The following PRKCI variants were observed in gnomAD, a reference collection of about 807,000 sequenced individuals.
PRKCI encodes the protein protein kinase C iota.
A neutral mutation model predicts 84.0 loss-of-function variants in PRKCI; 43 were observed. The observed-to-expected ratio is 0.51, with a 90% CI of 0.40 to 0.66. PRKCI has a LOEUF of 0.66. PRKCI is among the 30% of genes least tolerant of loss of function. PRKCI has a pLI of 0.00. For synonymous variants in PRKCI, 216 were observed against 234.4 expected, an observed-to-expected ratio of 0.92 and a Z score of 0.72; for missense variants, 459 against 745.6, an observed-to-expected ratio of 0.62 and a Z score of 4.48.
In PRKCI at chr3:170,273,356, G is replaced by T. The variant is rs376918788; in HGVS notation, c.646+16G>T. 1 of 1,610,444 alleles carries T rather than the reference G, an allele frequency of 6.2e-7. No homozygotes were observed. The highest frequency in any genetic ancestry group is 8.5e-7 in the Non-Finnish European group (1 of 1,177,014). On this transcript the variant is annotated intron_variant, in intron 7 of 17. Coordinates refer to ENST00000295797, the MANE Select transcript of PRKCI (RefSeq NM_002740.6). ...GCACAGACAGGTAAGAGTGGTGCTG[G>T]CACAACCCATTGTTCATTCACAGAG...
intron 2 of PRKCI, among the ~76,000 whole-genome samples, chr3:170,253,805 G>A (rs898289035): frequency 6.7e-6 from 1 of 149,278 alleles, no homozygotes; most frequent in East Asian, 2.0e-4. Context: ...AAAAAAAAAT[G>A]TCTATTCAGG....
rs116726811 is a variant in PRKCI at position 170,241,587 on chromosome 3, A to G, written c.223+6236A>G. On this transcript the variant is annotated intron_variant, in intron 2 of 17. Coordinates refer to ENST00000295797, the MANE Select transcript of PRKCI (RefSeq NM_002740.6). ...TGTTTATCCATTGATGGGCATTTCAATTGTTTCCATATCTTAGCTATTGTG... is the reference window on the plus strand; with the variant it reads ...TGTTTATCCATTGATGGGCATTTCAGTTGTTTCCATATCTTAGCTATTGTG... Among the ~76,000 whole-genome samples, 1,214 of 152,148 alleles carry G rather than the reference A, an allele frequency of 8.0e-3. 15 individuals are homozygous for G. Among genetic ancestry groups the G allele is most frequent in the South Asian group, 0.032 (156 of 4,820 alleles).
intron 11 of PRKCI, among the ~76,000 whole-genome samples, chr3:170,283,563 A>G (rs1173386430): frequency 3.3e-5 from 5 of 152,176 alleles, no homozygotes; most frequent in African/African-American, 4.8e-5. Context: ...TGCCTTATCA[A>G]ATGGTCACCC....
intron 9 of PRKCI, 73 bp from the exon 10 acceptor site, chr3:170,281,093 G>T: frequency 7.9e-7 from 1 of 1,273,514 alleles, no homozygotes. Context: ...TGTGACCATT[G>T]AATTGCTCAG....
chr3:170,263,858 A>C (rs1262886594), intron 4 of PRKCI, among the ~76,000 whole-genome samples: 2 of 152,074 alleles, frequency 1.3e-5, no homozygotes, highest in Admixed American at 1.3e-4. Flanking sequence ...TCCATTTTTC[A>C]GTCAATTTAG....
intron 17 of PRKCI, among the ~76,000 whole-genome samples, chr3:170,302,411 C>T (rs560432138): frequency 6.6e-6 from 1 of 152,312 alleles, no homozygotes; most frequent in Admixed American, 6.5e-5. Flanking sequence ...AATTACCTCC[C>T]TTCCTTGAAG....
intron 12 of PRKCI, among the ~76,000 whole-genome samples, chr3:170,290,030 G>A (rs895295646): frequency 7.3e-5 from 11 of 151,012 alleles, no homozygotes; most frequent in East Asian, 1.9e-4. Flanking sequence ...CCAAGATCAC[G>A]CCACTGAACT....
intron 8 of PRKCI, among the ~76,000 whole-genome samples, chr3:170,277,086 C>CA (rs36053479): frequency 0.43 from 55,332 of 128,178 alleles, 10,918 homozygotes; most frequent in South Asian, 0.51. Flanking sequence ...ACTAAAAATA[C>CA]AAAAAAAAAA....
chr3:170,295,846 AAAG>A, intron 14 of PRKCI, 62 bp from the exon 15 acceptor site: 3 of 996,548 alleles, frequency 3.0e-6, no homozygotes, highest in Middle Eastern at 3.4e-4. Flanking sequence ...CCCTTTCAAA[AAAG>A]AAGAAAAAAG....
intron 16 of PRKCI, 101 bp downstream of exon 16, chr3:170,297,494 A>T: frequency 2.1e-6 from 2 of 968,696 alleles, no homozygotes; most frequent in Non-Finnish European, 1.6e-6. Flanking sequence ...TTGCTCTGTC[A>T]CCGAGGCTGG....
At chr3:170,273,406 G>A in intron 7 of PRKCI, 66 bp downstream of exon 7, 1 of 1,462,772 alleles carries the variant, frequency 6.8e-7, no homozygotes, top group Non-Finnish European at 9.5e-7. Context: ...TTACTTAGGT[G>A]ACTCTCTTAC....
rs187434851 is a variant in PRKCI, at chr3:170,303,713, C to T, written c.*586C>T. On this transcript the variant is annotated 3_prime_UTR_variant, in exon 18 of 18. Transcript: ENST00000295797. ...GCTGCTTGCTTAGAATTGGGAAATT[C>T]GGCTGGGTGCAGTGACTCAATGCCT... is the stretch of plus-strand genomic sequence containing the variant. 1.2e-4 allele frequency: 26 copies of T among 214,300 alleles called. No individual in the cohort carries two copies. Among genetic ancestry groups the T allele is most frequent in the Non-Finnish European group, 2.3e-4 (24 of 106,112 alleles). 13.3% of individuals were successfully genotyped at this position (214,300 alleles called of 1,614,324 possible).
Position 170,303,629 on chromosome 3 carries a change from G to A in PRKCI, c.*502G>A, listed in dbSNP as rs1734878302. 4.4e-6 allele frequency: 1 copy of A among 224,932 alleles called. No homozygotes were observed. The highest frequency in any genetic ancestry group is 8.8e-6 in the Non-Finnish European group (1 of 113,002). 13.9% of individuals were successfully genotyped at this position (224,932 alleles called of 1,614,324 possible). A position where few individuals can be genotyped will look rare whatever the true frequency, so the allele number is the denominator to read the frequency against. ...ATTCAGGTGTAAATTTTATTGCCTT[G>A]GATAAATAAATTATTGATCTTTTTT... On this transcript the variant is annotated 3_prime_UTR_variant, in exon 18 of 18. Coordinates refer to ENST00000295797, the MANE Select transcript of PRKCI (RefSeq NM_002740.6).
chr3:170,256,321 A>G (rs1733582449), intron 2 of PRKCI, among the ~76,000 whole-genome samples: 1 of 152,064 alleles, frequency 6.6e-6, no homozygotes, highest in Non-Finnish European at 1.5e-5. Context: ...TTGCTGAGAG[A>G]CTTTTTATTA....
At chr3:170,253,829 T>G (rs9810446) in intron 2 of PRKCI, among the ~76,000 whole-genome samples, 38,408 of 150,206 alleles carry the variant, frequency 0.26, 5,528 homozygotes, top group African/African-American at 0.4. Context: ...AGGGATGGTG[T>G]CTCACGCTTG....
At chr3:170,253,915 G>T (rs1733517414) in intron 2 of PRKCI, among the ~76,000 whole-genome samples, 1 of 151,962 alleles carries the variant, frequency 6.6e-6, no homozygotes, top group Non-Finnish European at 1.5e-5. Context: ...AGGCCAACAT[G>T]GTGAAACCCT....
intron 1 of PRKCI, among the ~76,000 whole-genome samples, chr3:170,227,346 A>G (rs1011157957): frequency 1.3e-5 from 2 of 152,294 alleles, no homozygotes; most frequent in East Asian, 3.9e-4. Context: ...GAGAATGTAG[A>G]GGTAGGTAAG....
intron 11 of PRKCI, 142 bp downstream of exon 11, chr3:170,282,110 T>A: frequency 1.3e-6 from 1 of 743,876 alleles, no homozygotes. Flanking sequence ...GAGCTAAAAG[T>A]TAATTTACAT....
intron 2 of PRKCI, among the ~76,000 whole-genome samples, chr3:170,251,683 G>C (rs770446832): frequency 6.6e-6 from 1 of 152,090 alleles, no homozygotes; most frequent in Non-Finnish European, 1.5e-5. Flanking sequence ...ACCAAAACAG[G>C]TGGATCACTT....
Sources: allele counts gnomAD v4.1 joint callset (sites outside exome capture counted in the v4.1 genomes callset), GRCh38; gene constraint gnomAD v4.1.1; transcripts MANE v1.5; gene names NCBI Gene and HGNC (gene_info 2026-07-23, HGNC 2026-07-21).